FGGY: variants seen among roughly 807,000 people sequenced by gnomAD.
The protein encoded by FGGY is FGGY carbohydrate kinase domain containing, also known as FGGY carbohydrate kinase domain-containing protein.
A neutral mutation model predicts 71.3 loss-of-function variants in FGGY; 72 were observed. The observed-to-expected ratio is 1.01, with a 90% confidence interval of 0.84 to 1.23. FGGY has a LOEUF of 1.23. FGGY is among the 50% of genes most tolerant of loss of function. The pLI, the probability that FGGY is intolerant of heterozygous loss-of-function variation, is 0.00. For missense variants in FGGY, 668 were observed against 682.3 expected (o/e 0.98, Z 0.23); for synonymous variants, 251 against 250.3 (o/e 1.00, Z -0.02).
intron 5 of FGGY, among the ~76,000 whole-genome samples, chr1:59,392,556 C>A (rs1216642398): frequency 6.6e-6 from 1 of 152,144 alleles, no homozygotes; most frequent in Non-Finnish European, 1.5e-5. Flanking sequence ...GGTTGACCAG[C>A]ATCTCCTTTT....
chr1:59,346,523 A>G, intron 4 of FGGY, 125 bp downstream of exon 4: 1 of 1,075,468 alleles, frequency 9.3e-7, no homozygotes, highest in Non-Finnish European at 1.3e-6. Flanking sequence ...AACTAGGAGG[A>G]AGGTTGATCC....
chr1:59,598,418 A>G (rs1288939485), intron 8 of FGGY, among the ~76,000 whole-genome samples: 2 of 152,240 alleles, frequency 1.3e-5, no homozygotes, highest in African/African-American at 2.4e-5. Flanking sequence ...ATGAGTTTCA[A>G]GAATGATAAA....
intron 14 of FGGY, among the ~76,000 whole-genome samples, chr1:59,733,677 A>G (rs777657916): frequency 2.6e-5 from 4 of 152,168 alleles, no homozygotes; most frequent in Non-Finnish European, 4.4e-5. Flanking sequence ...TGTTCTCAGA[A>G]CAAGGCAAGG....
intron 7 of FGGY, among the ~76,000 whole-genome samples, chr1:59,543,321 A>G (rs965246889): frequency 1.3e-5 from 2 of 152,108 alleles, no homozygotes; most frequent in African/African-American, 4.8e-5. Context: ...GTCACCTTAC[A>G]ATCCCGTTTC....
intron 14 of FGGY, among the ~76,000 whole-genome samples, chr1:59,683,144 C>T (rs1419995129): frequency 6.6e-6 from 1 of 152,210 alleles, no homozygotes; most frequent in Non-Finnish European, 1.5e-5. Flanking sequence ...TGTACCTACC[C>T]TGAGCCTGGC....
chr1:59,474,352 A>G (rs2093154560), intron 6 of FGGY: 1 of 152,244 alleles, frequency 6.6e-6, no homozygotes, highest in Non-Finnish European at 1.5e-5. Flanking sequence ...GAAAGGGATC[A>G]TAGAGATTTT....
intron 14 of FGGY, chr1:59,699,512 G>T (rs1215929430): frequency 1.6e-6 from 1 of 624,144 alleles, no homozygotes; most frequent in Non-Finnish European, 2.0e-6. Flanking sequence ...GATAGAAAAA[G>T]TATTTGTGGG....
intron 9 of FGGY, 86 bp downstream of exon 9, chr1:59,607,996 T>A (rs1379109903): frequency 9.1e-7 from 1 of 1,100,184 alleles, no homozygotes; most frequent in Non-Finnish European, 1.4e-6. Context: ...ATACCCAATA[T>A]CTGGAGGATT....
intron 14 of FGGY, among the ~76,000 whole-genome samples, chr1:59,738,721 G>A (rs747192466): frequency 7.2e-5 from 11 of 152,170 alleles, no homozygotes; most frequent in Non-Finnish European, 1.5e-4. Context: ...ACTTTTGCTG[G>A]GCACTCACAT....
At chr1:59,474,041 C>T (rs191394033) in intron 6 of FGGY, 1 of 152,280 alleles carries the variant, frequency 6.6e-6, no homozygotes, top group African/African-American at 2.4e-5. Context: ...ACCTTGGCAC[C>T]TGGAGGACAA....
At chr1:59,533,493 C>T (rs1253918080) in intron 7 of FGGY, among the ~76,000 whole-genome samples, 2 of 152,218 alleles carry the variant, frequency 1.3e-5, no homozygotes, top group African/African-American at 2.4e-5. Flanking sequence ...CTGGGTGGAG[C>T]CCACCACAGC....
At chr1:59,318,209 T>C (rs578248507) in intron 1 of FGGY, among the ~76,000 whole-genome samples, 9 of 152,358 alleles carry the variant, frequency 5.9e-5, no homozygotes, top group Non-Finnish European at 1.0e-4. Context: ...ATCATAGTTA[T>C]TGTCTTCAAG....
intron 14 of FGGY, among the ~76,000 whole-genome samples, chr1:59,708,203 T>A (rs1336119090): frequency 6.6e-6 from 1 of 152,050 alleles, no homozygotes; most frequent in African/African-American, 2.4e-5. Flanking sequence ...GGGAAGGAGG[T>A]TATGTTTGCC....
At chr1:59,568,893 A>G (rs1337229119) in intron 8 of FGGY, among the ~76,000 whole-genome samples, 1 of 152,236 alleles carries the variant, frequency 6.6e-6, no homozygotes, top group East Asian at 1.9e-4. Flanking sequence ...GTGATACGGT[A>G]ACAGATAACA....
At chr1:59,363,018 T>C (rs75379578) in intron 4 of FGGY, among the ~76,000 whole-genome samples, 3,046 of 152,230 alleles carry the variant, frequency 0.02, 49 homozygotes, top group East Asian at 0.051. Context: ...TATAGTTCTT[T>C]CCTAAAAAAA....
At chr1:59,577,159 T>C (rs1186476415) in intron 8 of FGGY, among the ~76,000 whole-genome samples, 1 of 152,182 alleles carries the variant, frequency 6.6e-6, no homozygotes, top group African/African-American at 2.4e-5. Flanking sequence ...CAGTCAGTAG[T>C]CATTTGACAT....
At chr1:59,348,957 G>A (rs2052684528) in intron 4 of FGGY, among the ~76,000 whole-genome samples, 1 of 152,070 alleles carries the variant, frequency 6.6e-6, no homozygotes, top group Admixed American at 6.5e-5. Context: ...GTATAAAGTG[G>A]GAGAGTTGTA....
intron 7 of FGGY, among the ~76,000 whole-genome samples, chr1:59,535,047 A>G (rs200921961): frequency 6.6e-6 from 1 of 152,174 alleles, no homozygotes; most frequent in African/African-American, 2.4e-5. Flanking sequence ...AAATTGGATA[A>G]AGAGTCAAGA....
At chr1:59,744,315 G>A (rs2098175834) in intron 14 of FGGY, among the ~76,000 whole-genome samples, 1 of 152,144 alleles carries the variant, frequency 6.6e-6, no homozygotes. Flanking sequence ...CCGCCTTCTG[G>A]ATTCAAGCGA....
Sources: gnomAD v4.1 joint callset for allele counts (sites outside exome capture counted in the v4.1 genomes callset) on GRCh38, gnomAD v4.1.1 for gene constraint, MANE v1.5 for transcripts, NCBI Gene and HGNC (gene_info 2026-07-23, HGNC 2026-07-21) for gene names.